Variants in DOCK2 observed in about 807,000 individuals in gnomAD.
DOCK2 encodes dedicator of cytokinesis 2.
In DOCK2, 87 loss-of-function variants were observed where a neutral mutation model predicts 248.9. The observed-to-expected ratio is 0.35, with a 90% CI of 0.29 to 0.42. DOCK2 has a LOEUF of 0.42. DOCK2 is among the 10% of genes least tolerant of loss of function. The pLI is 1.00. For missense variants in DOCK2, 1,747 were observed against 2,300.2 expected, an observed-to-expected ratio of 0.76 and a Z score of 4.92; for synonymous variants, 805 against 821.6, an observed-to-expected ratio of 0.98 and a Z score of 0.35.
At chr5:170,024,915 T>G (rs1755851886) in intron 33 of DOCK2, among the ~76,000 whole-genome samples, 1 of 152,188 alleles carries the variant, frequency 6.6e-6, no homozygotes, top group South Asian at 2.1e-4. Flanking sequence ...TGGCAGGCTC[T>G]TTTGTGATCC....
intron 26 of DOCK2, among the ~76,000 whole-genome samples, chr5:169,806,880 C>A (rs1214322878): frequency 6.0e-5 from 9 of 151,202 alleles, no homozygotes; most frequent in South Asian, 2.1e-4. Flanking sequence ...CCCGCCCCCC[C>A]ACTGAAAGCC....
intron 43 of DOCK2, chr5:170,057,060 G>C (rs1757157085): frequency 4.9e-6 from 2 of 408,316 alleles, no homozygotes; most frequent in East Asian, 9.9e-5. Context: ...GCTAAGAAGG[G>C]GTGTTGATAA....
intron 27 of DOCK2, chr5:169,883,847 G>A (rs1772816811): frequency 4.5e-6 from 7 of 1,541,072 alleles, no homozygotes; most frequent in Non-Finnish European, 6.1e-6. Flanking sequence ...ACTGATTCTA[G>A]ACTGTTACGC....
intron 27 of DOCK2, among the ~76,000 whole-genome samples, chr5:169,866,407 T>C (rs953435556): frequency 6.6e-6 from 1 of 152,250 alleles, no homozygotes; most frequent in African/African-American, 2.4e-5. Flanking sequence ...GGCTATGGTG[T>C]CCTCATCTGC....
intron 26 of DOCK2, among the ~76,000 whole-genome samples, chr5:169,837,065 C>G (rs1769627064): frequency 6.6e-6 from 1 of 152,106 alleles, no homozygotes; most frequent in South Asian, 2.1e-4. Flanking sequence ...TGCCTAGTCC[C>G]CATCCACTCC....
chr5:170,019,214 C>A, intron 33 of DOCK2, 106 bp downstream of exon 33: 2 of 1,535,880 alleles, frequency 1.3e-6, no homozygotes, highest in Admixed American at 1.8e-5. Context: ...AGAGGCTCGG[C>A]GGCAGGATAG....
At chr5:169,748,452 G>A (rs1268707462) in intron 23 of DOCK2, among the ~76,000 whole-genome samples, 1 of 152,150 alleles carries the variant, frequency 6.6e-6, no homozygotes, top group Non-Finnish European at 1.5e-5. Context: ...CAGGCCAGGG[G>A]ATTTAAAAAA....
At chr5:169,704,981 G>T (rs184174546) in intron 14 of DOCK2, among the ~76,000 whole-genome samples, 2 of 152,132 alleles carry the variant, frequency 1.3e-5, no homozygotes, top group African/African-American at 4.8e-5. Flanking sequence ...GGCCAAGAAG[G>T]TGAAACCTTG....
chr5:169,897,295 G>A (rs1042092833), intron 27 of DOCK2, among the ~76,000 whole-genome samples: 5 of 151,758 alleles, frequency 3.3e-5, no homozygotes, highest in African/African-American at 9.7e-5. Context: ...AGCAATTCTC[G>A]TGCCTCAGCC....
chr5:169,868,500 T>C lies in DOCK2; in HGVS notation c.2799+27648T>C, dbSNP rs1771737495. 2.0e-5 allele frequency among the ~76,000 whole-genome samples: 3 copies of C among 152,240 alleles called. 1 individual carries two copies. The South Asian group carries it at 6.2e-4, about 31-fold the overall frequency. On this transcript the variant is annotated intron_variant, in intron 27 of 51. Transcript: ENST00000520908. ...TAGGCTGGGCGCAGTGGCTCATGCC[T>C]GTAATCCCAGCACTTCGAAAGACCC...
At chr5:169,866,362 C>CTG (rs545303799) in intron 27 of DOCK2, among the ~76,000 whole-genome samples, 11 of 152,208 alleles carry the variant, frequency 7.2e-5, no homozygotes, top group African/African-American at 2.7e-4. Context: ...CACAGTTTCA[C>CTG]TGTGAGATCT....
intron 27 of DOCK2, among the ~76,000 whole-genome samples, chr5:169,965,951 A>G (rs1222643916): frequency 6.6e-6 from 1 of 152,162 alleles, no homozygotes; most frequent in Non-Finnish European, 1.5e-5. Flanking sequence ...AGGCTTCTCC[A>G]TGCTCCTCCA....
At chr5:169,775,062 C>G (rs754237919) in intron 25 of DOCK2, among the ~76,000 whole-genome samples, 4 of 152,164 alleles carry the variant, frequency 2.6e-5, no homozygotes, top group African/African-American at 4.8e-5. Context: ...GCATGAGCCA[C>G]CATGCCTGGC....
intron 28 of DOCK2, 83 bp downstream of exon 28, chr5:169,983,249 T>C (rs1017777037): frequency 7.8e-5 from 108 of 1,384,950 alleles, no homozygotes; most frequent in Non-Finnish European, 9.7e-5. Flanking sequence ...GAGACCTGCC[T>C]GTCTATCACA....
chr5:169,641,892 T>C, intron 1 of DOCK2, among the ~76,000 whole-genome samples: 1 of 152,076 alleles, frequency 6.6e-6, no homozygotes, highest in East Asian at 1.9e-4. Context: ...CAGAAGAGAG[T>C]GGTAGCTTGA....
In DOCK2 at chr5:169,782,085, A is replaced by G. The variant is rs148266707; in HGVS notation, c.2554+20460A>G. On this transcript the variant is annotated intron_variant, in intron 25 of 51. Coordinates refer to ENST00000520908, the MANE Select transcript of DOCK2 (RefSeq NM_004946.3). ...GTCTGTTCAAGGCCTGTGCTGAGAA[A>G]TTAAGTAGGTCCCAGTTACCTCTCA... 1.9e-3 allele frequency among the ~76,000 whole-genome samples: 294 copies of G among 152,270 alleles called. 3 individuals are homozygous for G. Among genetic ancestry groups the G allele is most frequent in the African/African-American group, 6.6e-3 (274 of 41,554 alleles).
chr5:169,688,396 T>A (rs73316262), intron 8 of DOCK2, among the ~76,000 whole-genome samples: 1,612 of 152,344 alleles, frequency 0.011, 31 homozygotes, highest in African/African-American at 0.037. Context: ...TCAGGCCCAT[T>A]TGATACACAT....
At chr5:169,990,266 T>C (rs1778172617) in intron 29 of DOCK2, among the ~76,000 whole-genome samples, 1 of 151,998 alleles carries the variant, frequency 6.6e-6, no homozygotes, top group South Asian at 2.1e-4. Flanking sequence ...GCCTGGCTAA[T>C]TTTTGTATTT....
chr5:169,677,947 C>T (rs1759428286), intron 6 of DOCK2, among the ~76,000 whole-genome samples: 1 of 152,140 alleles, frequency 6.6e-6, no homozygotes, highest in African/African-American at 2.4e-5. Context: ...TGCCCTGATG[C>T]CAGTCTTGAG....
Sources: gnomAD v4.1 joint callset for allele counts (sites outside exome capture counted in the v4.1 genomes callset) on GRCh38, gnomAD v4.1.1 for gene constraint, MANE v1.5 for transcripts, NCBI Gene and HGNC (gene_info 2026-07-23, HGNC 2026-07-21) for gene names.